Variants in ATM observed in about 807,000 individuals in gnomAD.
ATM encodes the protein serine-protein kinase ATM.
ATM carries 308 observed loss-of-function variants against 387.0 expected under a neutral mutation model. The observed-to-expected ratio is 0.80, with a 90% CI of 0.73 to 0.87. ATM has a LOEUF of 0.87. Among genes scored for constraint, ATM ranks in the 40% least tolerant of loss-of-function variants. The pLI is 0.00. For synonymous variants in ATM, 1,156 were observed against 1,187.3 expected (o/e 0.97, Z 0.54); for missense variants, 3,312 against 3,560.9 (o/e 0.93, Z 1.78).
intron 4 of ATM, among the ~76,000 whole-genome samples, chr11:108,231,790 T>G (rs941293969): frequency 6.6e-6 from 1 of 151,988 alleles, no homozygotes. Flanking sequence ...TATTTCAGAT[T>G]GGTGGTATGA....
intron 20 of ATM, 21 bp from the exon 21 acceptor site, chr11:108,272,511 G>C (rs1292911669): frequency 6.3e-7 from 1 of 1,583,970 alleles, no homozygotes; most frequent in Non-Finnish European, 8.7e-7. Context: ...ATTTAACTTT[G>C]GAAAACTTAC....
In ATM at chr11:108,287,551, G is replaced by A. The variant is rs200335818; in HGVS notation, c.3994-49G>A. Reference sequence around the variant, plus strand: ...TATATGCCTTTTGAGCTGTCTTGACGTTCACAGATATAAAATATTAAATAT... The same window carrying A: ...TATATGCCTTTTGAGCTGTCTTGACATTCACAGATATAAAATATTAAATAT... On this transcript the variant is annotated intron_variant, in intron 26 of 62. Coordinates refer to ENST00000675843, the MANE Select transcript of ATM (RefSeq NM_000051.4). 201 of 1,252,276 alleles carry A rather than the reference G, an allele frequency of 1.6e-4. 1 individual carries two copies. The African/African-American group carries it at 2.4e-3, about 15-fold the overall frequency. 77.6% of individuals were successfully genotyped at this position (1,252,276 alleles called of 1,614,324 possible). A position where few individuals can be genotyped will look rare whatever the true frequency, so the allele number is the denominator to read the frequency against.
chr11:108,244,954 G>T lies in ATM; in HGVS notation c.829G>T (p.Glu277Ter), dbSNP rs876660933. 1.9e-6 allele frequency: 3 copies of T among 1,613,182 alleles called. No individual in the cohort carries two copies. Among genetic ancestry groups the T allele is most frequent in the African/African-American group, 2.7e-5 (2 of 74,896 alleles). The change falls in exon 7 of 63, where the codon GAA (glutamate) becomes TAA (stop). Residue 277 changes from glutamate (E) to a stop codon, truncating the protein, a stop_gained. Transcript: ENST00000675843. LOFTEE classifies it high-confidence loss of function. ...ACATAGGCTTAATGATTCTTTAAAAGAAGTCATTATTGAATTATTTCAACT... is the reference window on the plus strand; with the variant it reads ...ACATAGGCTTAATGATTCTTTAAAATAAGTCATTATTGAATTATTTCAACT... ...TQHRLNDSLK[E>*]VIIELFQLQI...
intron 4 of ATM, among the ~76,000 whole-genome samples, chr11:108,234,987 CTT>C (rs1179475777): frequency 2.0e-5 from 3 of 152,026 alleles, no homozygotes; most frequent in Non-Finnish European, 4.4e-5. Flanking sequence ...TGCCAAAAAA[CTT>C]GGGATCATTT....
At chr11:108,306,620 T>C (rs180986509) in intron 37 of ATM, among the ~76,000 whole-genome samples, 6 of 152,316 alleles carry the variant, frequency 3.9e-5, no homozygotes, top group Admixed American at 2.6e-4. Flanking sequence ...ACAGTGCCAA[T>C]ATTTTTATTA....
intron 26 of ATM, 72 bp downstream of exon 26, chr11:108,284,545 A>G: frequency 6.5e-7 from 1 of 1,544,160 alleles, no homozygotes; most frequent in Non-Finnish European, 8.9e-7. Flanking sequence ...TTTTAAGGCT[A>G]TTTATTCGAT....
chr11:108,277,212 C>T lies in ATM; in HGVS notation c.3285-2279C>T, dbSNP rs560233731. ...AGCCTCAGTAATTGCAGACGCCCCT[C>T]CCCCCACCAAGCTTCAGTGTCCCAG... On this transcript the variant is annotated intron_variant, in intron 22 of 62. Coordinates refer to ENST00000675843, the MANE Select transcript of ATM (RefSeq NM_000051.4). Among the ~76,000 whole-genome samples, 7 of 152,174 alleles carry T rather than the reference C, an allele frequency of 4.6e-5. 1 individual carries two copies. The highest frequency in any genetic ancestry group is 1.7e-4 in the African/African-American group (7 of 41,536).
At chr11:108,335,714 T>A (rs970251926) in intron 55 of ATM, 131 bp from the exon 56 acceptor site, 21 of 697,460 alleles carry the variant, frequency 3.0e-5, no homozygotes, top group African/African-American at 2.0e-4. Flanking sequence ...GGTATTTAAT[T>A]ATTTGGGAGA....
In ATM at chr11:108,365,197, A is replaced by G. The variant is rs1555151490; in HGVS notation, c.8966A>G (p.Gln2989Arg). 6.2e-7 allele frequency: 1 copy of G among 1,614,206 alleles called. No homozygotes were observed. The highest frequency in any genetic ancestry group is 1.1e-5 in the South Asian group (1 of 91,082). Residue 2989 changes from glutamine to arginine, a missense_variant, in exon 62 of 63, where the codon CAA becomes CGA. Transcript: ENST00000675843. Reference sequence around the variant, plus strand: ...CACCCTACTCTGAATGCAGATGACCAAGAATGCAAACGAAATCTCAGGTGA... The same window carrying G: ...CACCCTACTCTGAATGCAGATGACCGAGAATGCAAACGAAATCTCAGGTGA... ...ELHPTLNADDQECKRNLSDID... is the reference protein window; with the variant it reads ...ELHPTLNADDRECKRNLSDID...
At chr11:108,270,608 CT>C (rs1402210361) in intron 18 of ATM, among the ~76,000 whole-genome samples, 1 of 151,982 alleles carries the variant, frequency 6.6e-6, no homozygotes, top group African/African-American at 2.4e-5. Flanking sequence ...ACTTCAAAGC[CT>C]TTTGTTTTTA....
At chr11:108,272,497 G>T (rs2135564077) in intron 20 of ATM, 35 bp from the exon 21 acceptor site, 1 of 1,526,286 alleles carries the variant, frequency 6.6e-7, no homozygotes, top group South Asian at 1.1e-5. Context: ...TTATCAGAAT[G>T]ATTATTTAAC....
rs756849599 is a variant in ATM at position 108,330,180 on chromosome 11, G to A, written c.7308-34G>A. 9 of 1,595,860 alleles carry A rather than the reference G, an allele frequency of 5.6e-6. No individual in the cohort carries two copies. In the South Asian group the frequency reaches 1.0e-4, roughly 18 times the overall value. On this transcript the variant is annotated intron_variant, in intron 49 of 62. Coordinates refer to ENST00000675843, the MANE Select transcript of ATM (RefSeq NM_000051.4). ...TTTTGTAGTTCTGTTAAAGTTCATG[G>A]CTTTTGTGTTTTACCTTAATTATTC...
intron 14 of ATM, among the ~76,000 whole-genome samples, chr11:108,256,866 C>T (rs1039038972): frequency 6.6e-5 from 10 of 152,144 alleles, no homozygotes; most frequent in South Asian, 4.1e-4. Context: ...TTTATGGCTG[C>T]ATAGTATATC....
intron 55 of ATM, 67 bp from the exon 56 acceptor site, chr11:108,335,778 C>A: frequency 7.6e-7 from 1 of 1,313,218 alleles, no homozygotes; most frequent in East Asian, 2.4e-5. Context: ...TTGCTATTCT[C>A]AGATGACTCT....
At chr11:108,257,632 T>C (rs780635556) in intron 15 of ATM, 26 bp downstream of exon 15, 1 of 1,608,224 alleles carries the variant, frequency 6.2e-7, no homozygotes, top group East Asian at 2.2e-5. Flanking sequence ...TCTTGTTTTG[T>C]TTTTTGAGAT....
At chr11:108,229,072 C>T in intron 3 of ATM, 106 bp from the exon 4 acceptor site, 1 of 1,133,992 alleles carries the variant, frequency 8.8e-7, no homozygotes, top group Non-Finnish European at 1.3e-6. Flanking sequence ...GTAATCTAAG[C>T]AAGGTGGTTT....
intron 29 of ATM, 23 bp downstream of exon 29, chr11:108,289,824 T>C (rs751576877): frequency 6.3e-7 from 1 of 1,594,390 alleles, no homozygotes; most frequent in South Asian, 1.1e-5. Context: ...TTTAGACCAA[T>C]ATATAAGCAG....
intron 47 of ATM, among the ~76,000 whole-genome samples, chr11:108,326,638 A>G (rs2085710202): frequency 6.6e-6 from 1 of 152,216 alleles, no homozygotes; most frequent in South Asian, 2.1e-4. Context: ...CTTTGAAAAT[A>G]TCACATCTAA....
At chr11:108,305,253 C>T (rs1405729049) in intron 37 of ATM, among the ~76,000 whole-genome samples, 1 of 152,122 alleles carries the variant, frequency 6.6e-6, no homozygotes, top group African/African-American at 2.4e-5. Context: ...ATAGAATTTT[C>T]ATATTTTCAG....
Sources: gnomAD v4.1 joint callset for allele counts (sites outside exome capture counted in the v4.1 genomes callset) on GRCh38, gnomAD v4.1.1 for gene constraint, MANE v1.5 for transcripts, NCBI Gene and HGNC (gene_info 2026-07-23, HGNC 2026-07-21) for gene names.